PAPPA: variants seen among roughly 807,000 people sequenced by gnomAD.
PAPPA encodes the protein pappalysin-1.
In PAPPA, 60 loss-of-function variants were observed where a neutral mutation model predicts 164.0. That is an observed-to-expected ratio of 0.37 (90% CI 0.30 to 0.45). PAPPA has a LOEUF of 0.45. Among genes scored for constraint, PAPPA ranks in the 20% least tolerant of loss-of-function variants. The pLI, the probability that PAPPA is intolerant of heterozygous loss-of-function variation, is 1.00. For synonymous variants in PAPPA, 875 were observed against 814.1 expected (o/e 1.07, Z -1.27); for missense variants, 1,782 against 2,087.3 (o/e 0.85, Z 2.85).
At chr9:116,389,158 G>C (rs929628777) in intron 21 of PAPPA, among the ~76,000 whole-genome samples, 5 of 140,236 alleles carry the variant, frequency 3.6e-5, no homozygotes, top group Non-Finnish European at 7.6e-5. Context: ...TGGAAACAGA[G>C]TCTCACTCTT....
intron 19 of PAPPA, among the ~76,000 whole-genome samples, chr9:116,372,719 T>C (rs542594266): frequency 6.6e-6 from 1 of 151,550 alleles, no homozygotes; most frequent in Non-Finnish European, 1.5e-5. Context: ...GAAAAAAAAA[T>C]GGGAGGCGGA....
At chr9:116,352,673 C>G in intron 15 of PAPPA, 33 bp from the exon 16 acceptor site, 7 of 1,560,676 alleles carry the variant, frequency 4.5e-6, no homozygotes, top group East Asian at 2.2e-5. Flanking sequence ...GAGACTCCTC[C>G]CTCCTCTAAC....
At position 116,401,562 on chromosome 9, in the gene PAPPA, A is replaced by C. The variant is rs1847055841; in HGVS notation, c.*4946A>C. On this transcript the variant is annotated 3_prime_UTR_variant, in exon 22 of 22. Transcript: ENST00000328252. ...TAAATATAAATTTACATATATATGC[A>C]CATGTATATATAGTTGTACATATAT... The C allele has an allele frequency of 6.6e-6, 1 of 151,060 alleles. No homozygotes were observed. Among genetic ancestry groups the C allele is most frequent in the Non-Finnish European group, 1.5e-5 (1 of 67,744 alleles). The allele number at this position is 151,060 out of a possible 1,614,324, so 9.4% of individuals were successfully genotyped here. A position where few individuals can be genotyped will look rare whatever the true frequency, so the allele number is the denominator to read the frequency against.
chr9:116,187,543 C>T lies in PAPPA; in HGVS notation c.805C>T (p.Leu269=). 1 of 1,614,236 alleles carries T rather than the reference C, an allele frequency of 6.2e-7. No homozygotes were observed. The highest frequency in any genetic ancestry group is 8.5e-7 in the Non-Finnish European group (1 of 1,180,050). Reference sequence around the variant, plus strand: ...GGTGGCCAGGACTCAGCGGGAGATACTGTCTGACATGGAAACCCATGGCGC... The same window carrying T: ...GGTGGCCAGGACTCAGCGGGAGATATTGTCTGACATGGAAACCCATGGCGC... ...WKVARTQREI[L]SDMETHGAHT... is the part of the protein sequence containing the mutation. The change falls in exon 2 of 22, where the codon CTG becomes TTG. Residue 269 remains leucine (L), a synonymous_variant. Transcript: ENST00000328252. This position sits in a 1 kb window ranked among gnomAD's most constrained non-coding sequence, Gnocchi z 4.2.
At chr9:116,266,119 C>G (rs1845065556) in intron 8 of PAPPA, 134 bp downstream of exon 8, 3 of 691,730 alleles carry the variant, frequency 4.3e-6, no homozygotes, top group African/African-American at 1.8e-5. Context: ...CCCCAGCAGT[C>G]TCTGGATTGG....
At chr9:116,305,166 C>T in intron 10 of PAPPA, among the ~76,000 whole-genome samples, 1 of 151,086 alleles carries the variant, frequency 6.6e-6, no homozygotes, top group African/African-American at 2.4e-5. Flanking sequence ...CACACACACA[C>T]ACACACACAC....
rs200604980 is a variant in PAPPA at position 116,289,121 on chromosome 9, C to CAT, written c.2954-13598_2954-13597dup. Among the ~76,000 whole-genome samples the CAT allele has an allele frequency of 1.6e-3, 28 of 17,884 alleles. 1 individual carries two copies. The highest frequency in any genetic ancestry group is 5.4e-3 in the African/African-American group (27 of 5,022). 11.7% of individuals were successfully genotyped at this position (17,884 alleles called of 152,430 possible). On this transcript the variant is annotated intron_variant, in intron 9 of 21. Transcript: ENST00000328252. ...GGATTGCAGAATAGATATGCATATA[C>CAT]ATATATATATATATATATATATATA...
At chr9:116,275,029 C>A (rs951703153) in intron 9 of PAPPA, among the ~76,000 whole-genome samples, 18 of 152,224 alleles carry the variant, frequency 1.2e-4, no homozygotes, top group African/African-American at 4.3e-4. Flanking sequence ...AGCTCTGGAT[C>A]CCCTCACTAA....
At chr9:116,345,653 TC>T (rs2118978970) in intron 14 of PAPPA, among the ~76,000 whole-genome samples, 1 of 152,246 alleles carries the variant, frequency 6.6e-6, no homozygotes, top group Admixed American at 6.5e-5. Flanking sequence ...TTCTAGATAC[TC>T]CATGTGGGTG....
At chr9:116,192,399 T>C (rs927541847) in intron 2 of PAPPA, among the ~76,000 whole-genome samples, 1 of 152,214 alleles carries the variant, frequency 6.6e-6, no homozygotes, top group Non-Finnish European at 1.5e-5. Flanking sequence ...AGAGAAAAGT[T>C]CAGTTTATCT....
At chr9:116,362,907 G>C (rs1361614426) in intron 18 of PAPPA, among the ~76,000 whole-genome samples, 168 bp downstream of exon 18, 4 of 152,210 alleles carry the variant, frequency 2.6e-5, no homozygotes, top group Non-Finnish European at 5.9e-5. Context: ...AAGAGGGTCA[G>C]GGACAGGGAT....
intron 2 of PAPPA, among the ~76,000 whole-genome samples, chr9:116,204,490 C>G (rs1328013405): frequency 6.6e-6 from 1 of 152,200 alleles, no homozygotes; most frequent in African/African-American, 2.4e-5. Context: ...TCATAGCTCA[C>G]TGCAGCCTTG....
rs998519560 is a variant in PAPPA, at chr9:116,154,322, G to A, written c.150G>A (p.Arg50=). ...CCGGCCCGGCCACCTGCGCCACCCG[G>A]GCGGCCCGCGGCCGCCGCGCCTCGC... The part of the protein sequence containing the change: ...PAAGPATCAT[R]AARGRRASPP... The change falls in exon 1 of 22, where the codon CGG becomes CGA. Residue 50 remains arginine (R), a synonymous_variant. Coordinates refer to ENST00000328252, the MANE Select transcript of PAPPA (RefSeq NM_002581.5). The surrounding 1 kb of genome is among the most constrained non-coding windows in gnomAD (Gnocchi z 5.2). 1 of 870,364 alleles carries A rather than the reference G, an allele frequency of 1.1e-6. No homozygotes were observed. Among genetic ancestry groups the A allele is most frequent in the Non-Finnish European group, 1.4e-6 (1 of 728,794 alleles). The allele number at this position is 870,364 out of a possible 1,614,324, so 53.9% of individuals were successfully genotyped here.
intron 9 of PAPPA, among the ~76,000 whole-genome samples, chr9:116,284,781 C>A (rs1845312225): frequency 6.6e-6 from 1 of 152,054 alleles, no homozygotes; most frequent in South Asian, 2.1e-4. Context: ...TTCCCACATC[C>A]AAATAATTGC....
At chr9:116,313,609 G>T (rs1391180673) in intron 10 of PAPPA, among the ~76,000 whole-genome samples, 4 of 152,126 alleles carry the variant, frequency 2.6e-5, no homozygotes, top group Non-Finnish European at 5.9e-5. Flanking sequence ...TTCAGAGAGA[G>T]CAAAATTGTA....
chr9:116,290,262 C>G (rs1564212763), intron 9 of PAPPA, among the ~76,000 whole-genome samples: 1 of 152,100 alleles, frequency 6.6e-6, no homozygotes, highest in African/African-American at 2.4e-5. Flanking sequence ...CTTCTGGCCC[C>G]TTATTCCATC....
At chr9:116,254,559 G>A (rs1269985703) in intron 7 of PAPPA, among the ~76,000 whole-genome samples, 1 of 152,088 alleles carries the variant, frequency 6.6e-6, no homozygotes, top group Non-Finnish European at 1.5e-5. Context: ...AGGGTGGGCG[G>A]ATCACAAGGT....
At chr9:116,186,988 G>A (rs371472161) in intron 1 of PAPPA, among the ~76,000 whole-genome samples, 166 bp from the exon 2 acceptor site, 7 of 152,082 alleles carry the variant, frequency 4.6e-5, no homozygotes, top group South Asian at 2.1e-4. Flanking sequence ...CCTTGCCCTC[G>A]AGGTGGTCCC....
chr9:116,315,249 G>C (rs549392042), intron 10 of PAPPA, among the ~76,000 whole-genome samples: 1 of 152,340 alleles, frequency 6.6e-6, no homozygotes, highest in African/African-American at 2.4e-5. Context: ...AAGTGCTACT[G>C]TGTGAATTGG....
Sources: allele counts gnomAD v4.1 joint callset (sites outside exome capture counted in the v4.1 genomes callset), GRCh38; gene constraint gnomAD v4.1.1; non-coding constraint Gnocchi (gnomAD v3.1); transcripts MANE v1.5; gene names NCBI Gene and HGNC (gene_info 2026-07-23, HGNC 2026-07-21).